CRY1: variants seen among roughly 807,000 people sequenced by gnomAD.
CRY1 encodes the protein cryptochrome circadian regulator 1.
In CRY1, 45 loss-of-function variants were observed where a neutral mutation model predicts 76.0. That is an observed-to-expected ratio of 0.59 (90% confidence interval 0.47 to 0.76). The LOEUF is 0.76. Among genes scored for constraint, CRY1 ranks in the 30% least tolerant of loss-of-function variants. The probability of loss-of-function intolerance (pLI) is 0.00; values close to 1 mark genes in which losing one functional copy is unlikely to be tolerated. For missense variants in CRY1, 587 were observed against 716.4 expected, an observed-to-expected ratio of 0.82 and a Z score of 2.06; for synonymous variants, 248 against 244.0, an observed-to-expected ratio of 1.02 and a Z score of -0.15.
intron 1 of CRY1, among the ~76,000 whole-genome samples, chr12:107,068,604 T>A (rs12312071): frequency 1.3e-5 from 2 of 152,006 alleles, no homozygotes; most frequent in South Asian, 4.2e-4. Flanking sequence ...AGCCCAAAAT[T>A]AATAATGTTA....
chr12:107,084,196 G>A (rs1044150964), intron 1 of CRY1, among the ~76,000 whole-genome samples: 6 of 152,146 alleles, frequency 3.9e-5, no homozygotes, highest in Admixed American at 1.3e-4. Context: ...CAAACAAATG[G>A]AAAAACATTC....
At chr12:106,993,068 T>G (rs1361441445) in intron 10 of CRY1, 32 bp from the exon 11 acceptor site, 1 of 1,601,740 alleles carries the variant, frequency 6.2e-7, no homozygotes, top group Non-Finnish European at 8.6e-7. Flanking sequence ...TAAAATTACT[T>G]AAAATCAAAT....
chr12:107,013,358 G>A (rs941096836), intron 2 of CRY1, among the ~76,000 whole-genome samples: 7 of 152,242 alleles, frequency 4.6e-5, no homozygotes, highest in South Asian at 2.1e-4. Context: ...ATGATCACTA[G>A]CATTTTTTTA....
intron 1 of CRY1, among the ~76,000 whole-genome samples, chr12:107,046,186 G>A (rs1260653576): frequency 2.6e-5 from 4 of 151,546 alleles, no homozygotes; most frequent in Admixed American, 1.3e-4. Flanking sequence ...CCAGCTACTC[G>A]GGAGGCTGAG....
rs553642868 is a variant in CRY1, at chr12:107,064,120, G to A, written c.158+28684C>T. 3.9e-5 allele frequency among the ~76,000 whole-genome samples: 6 copies of A among 152,146 alleles called. No homozygotes were observed. In the East Asian group the frequency reaches 5.8e-4, roughly 15 times the overall value. ...ATTATAGAAATATTCTATTACGACC[G>A]GGATGGAATACTATTCGACCTTTAA... On this transcript the variant is annotated intron_variant, in intron 1 of 12. Transcript: ENST00000008527.
Position 107,045,544 on chromosome 12 carries a change from G to A in CRY1, c.159-23352C>T, listed in dbSNP as rs143068461. 3.4e-3 allele frequency among the ~76,000 whole-genome samples: 522 copies of A among 152,272 alleles called. 19 individuals carry two copies. The highest frequency in any genetic ancestry group is 0.03 in the Admixed American group (466 of 15,294). The stretch of plus-strand genomic sequence containing the variant: ...TTGGCTTCTGTTGCCATTGCTTTTG[G>A]TATTTTATACATGAAGTCCTTGCCC... On this transcript the variant is annotated intron_variant, in intron 1 of 12. Coordinates refer to ENST00000008527, the MANE Select transcript of CRY1 (RefSeq NM_004075.5).
chr12:107,001,260 T>C lies in CRY1; in HGVS notation c.684+20A>G, dbSNP rs781693580. 5.7e-6 allele frequency: 9 copies of C among 1,569,094 alleles called. No individual in the cohort carries two copies. The South Asian group carries it at 9.1e-5, about 16-fold the overall frequency. On this transcript the variant is annotated intron_variant, in intron 5 of 12. Transcript: ENST00000008527. ...CAGTTTGGAAATACAAGCATAGCTA[T>C]ATAATCTACATTATCATACTTTTCT... is the stretch of plus-strand genomic sequence containing the variant.
intron 1 of CRY1, among the ~76,000 whole-genome samples, chr12:107,029,551 A>C (rs755720017): frequency 1.3e-4 from 19 of 151,022 alleles, no homozygotes; most frequent in Non-Finnish European, 2.4e-4. Context: ...AGCTGGCTGT[A>C]ATCATGCCAC....
At chr12:107,022,553 A>G (rs7304772) in intron 1 of CRY1, among the ~76,000 whole-genome samples, 2,436 of 152,112 alleles carry the variant, frequency 0.016, 68 homozygotes, top group African/African-American at 0.056. Flanking sequence ...TTTCATATAG[A>G]AAGGAAAACT....
chr12:107,058,101 A>C (rs528897286), intron 1 of CRY1, among the ~76,000 whole-genome samples: 1 of 152,218 alleles, frequency 6.6e-6, no homozygotes, highest in East Asian at 1.9e-4. Context: ...GGAATATTCA[A>C]ACTGAAGTTT....
intron 1 of CRY1, among the ~76,000 whole-genome samples, chr12:107,040,478 G>C (rs1952786286): frequency 6.6e-6 from 1 of 151,530 alleles, no homozygotes; most frequent in Admixed American, 6.6e-5. Context: ...TAGAGATGGA[G>C]TTTCACCATA....
intron 1 of CRY1, among the ~76,000 whole-genome samples, chr12:107,047,331 A>T (rs1952861683): frequency 1.3e-5 from 2 of 152,238 alleles, no homozygotes; most frequent in African/African-American, 4.8e-5. Context: ...TTCATTTGAA[A>T]CAAATGAAAA....
intron 1 of CRY1, among the ~76,000 whole-genome samples, chr12:107,062,317 A>G (rs953704470): frequency 6.6e-6 from 1 of 152,128 alleles, no homozygotes; most frequent in Non-Finnish European, 1.5e-5. Context: ...CTTGATTATT[A>G]TAGTTTTAAT....
intron 1 of CRY1, among the ~76,000 whole-genome samples, chr12:107,047,732 T>C (rs1952866720): frequency 6.6e-6 from 1 of 152,170 alleles, no homozygotes; most frequent in African/African-American, 2.4e-5. Flanking sequence ...ACCTCTTTTC[T>C]TTATAAATTA....
chr12:107,070,981 G>A (rs975357520), intron 1 of CRY1, among the ~76,000 whole-genome samples: 17 of 151,874 alleles, frequency 1.1e-4, no homozygotes, highest in Admixed American at 3.3e-4. Flanking sequence ...TGGGATTACA[G>A]GCGTGAGCCA....
intron 1 of CRY1, among the ~76,000 whole-genome samples, chr12:107,080,782 G>A (rs1317451432): frequency 6.6e-6 from 1 of 152,058 alleles, no homozygotes; most frequent in Non-Finnish European, 1.5e-5. Flanking sequence ...TTGGGTTCAA[G>A]GGTAAGTAGA....
chr12:107,076,631 A>C (rs1054373039), intron 1 of CRY1, among the ~76,000 whole-genome samples: 10 of 151,958 alleles, frequency 6.6e-5, no homozygotes, highest in Non-Finnish European at 1.0e-4. Context: ...AAAAAAAAAA[A>C]AAAACCTCTC....
chr12:107,045,051 A>G (rs1187826711), intron 1 of CRY1, among the ~76,000 whole-genome samples: 1 of 152,180 alleles, frequency 6.6e-6, no homozygotes, highest in East Asian at 1.9e-4. Context: ...ATTCAATCCA[A>G]ATCATTCCTC....
At chr12:106,997,436 A>C (rs767642258) in intron 9 of CRY1, 50 bp from the exon 10 acceptor site, 15 of 1,612,262 alleles carry the variant, frequency 9.3e-6, no homozygotes, top group Non-Finnish European at 1.2e-5. Context: ...ATAAAATTCA[A>C]AGATAAGTAC....
Sources: gnomAD v4.1 joint callset for allele counts (sites outside exome capture counted in the v4.1 genomes callset) on GRCh38, gnomAD v4.1.1 for gene constraint, MANE v1.5 for transcripts, NCBI Gene and HGNC (gene_info 2026-07-23, HGNC 2026-07-21) for gene names.